ZFYVE9: variants seen among roughly 807,000 people sequenced by gnomAD.
ZFYVE9 encodes zinc finger FYVE-type containing 9.
A neutral mutation model predicts 126.7 loss-of-function variants in ZFYVE9; 43 were observed. That is an observed-to-expected ratio of 0.34 (90% CI 0.27 to 0.44). The LOEUF (loss-of-function observed/expected upper bound fraction) is 0.44. ZFYVE9 is among the 20% of genes least tolerant of loss of function. The pLI is 1.00. For synonymous variants in ZFYVE9, 521 were observed against 597.4 expected (o/e 0.87, Z 1.87); for missense variants, 1,476 against 1,697.0 (o/e 0.87, Z 2.29).
intron 2 of ZFYVE9, among the ~76,000 whole-genome samples, chr1:52,225,453 G>T (rs72665101): frequency 0.011 from 1,704 of 152,272 alleles, 13 homozygotes; most frequent in Non-Finnish European, 0.017. Flanking sequence ...TCTGCCGAAG[G>T]GTGCTGCTTA....
intron 1 of ZFYVE9, among the ~76,000 whole-genome samples, chr1:52,193,436 G>A (rs1046192615): frequency 1.3e-5 from 2 of 149,534 alleles, no homozygotes; most frequent in African/African-American, 4.9e-5. Flanking sequence ...GCCGGGTGTG[G>A]TGGCTCATGT....
intron 4 of ZFYVE9, among the ~76,000 whole-genome samples, chr1:52,245,159 G>C (rs1645371785): frequency 6.8e-6 from 1 of 147,900 alleles, no homozygotes; most frequent in African/African-American, 2.5e-5. Flanking sequence ...GAGAGACTCT[G>C]TCTCAAAAAA....
intron 13 of ZFYVE9, among the ~76,000 whole-genome samples, chr1:52,327,285 T>G (rs1646300060): frequency 2.0e-5 from 3 of 152,070 alleles, no homozygotes; most frequent in Admixed American, 2.0e-4. Context: ...AATGGTCACA[T>G]TAATGTCTCA....
chr1:52,191,244 A>G (rs1644814426), intron 1 of ZFYVE9, among the ~76,000 whole-genome samples: 1 of 152,144 alleles, frequency 6.6e-6, no homozygotes, highest in Non-Finnish European at 1.5e-5. Flanking sequence ...CCGGTCAATG[A>G]ATATTATTTC....
intron 1 of ZFYVE9, among the ~76,000 whole-genome samples, chr1:52,212,794 G>A (rs764360185): frequency 5.9e-5 from 9 of 152,152 alleles, no homozygotes; most frequent in Non-Finnish European, 7.3e-5. Context: ...TAGTGTAGTC[G>A]TTTTGTAAAG....
intron 1 of ZFYVE9, among the ~76,000 whole-genome samples, chr1:52,152,509 T>A (rs905239352): frequency 1.3e-5 from 2 of 152,244 alleles, no homozygotes; most frequent in African/African-American, 4.8e-5. Flanking sequence ...TCTTTTTATA[T>A]TCAGCCAAAA....
At chr1:52,243,083 T>G (rs1362470420) in intron 4 of ZFYVE9, among the ~76,000 whole-genome samples, 1 of 152,210 alleles carries the variant, frequency 6.6e-6, no homozygotes, top group Non-Finnish European at 1.5e-5. Context: ...CTGGCACCTA[T>G]GAAGTACTCA....
intron 8 of ZFYVE9, among the ~76,000 whole-genome samples, chr1:52,277,744 A>G (rs1210757665): frequency 6.6e-6 from 1 of 152,176 alleles, no homozygotes; most frequent in East Asian, 1.9e-4. Flanking sequence ...TACAGTGATT[A>G]TTACGCATGA....
At chr1:52,266,525 C>G in intron 5 of ZFYVE9, 130 bp from the exon 6 acceptor site, 1 of 665,044 alleles carries the variant, frequency 1.5e-6, no homozygotes, top group South Asian at 3.2e-5. Context: ...TTAATACCTT[C>G]ACTAGGTGGA....
At chr1:52,337,133 TTA>T (rs748853818) in intron 15 of ZFYVE9, among the ~76,000 whole-genome samples, 1 of 152,150 alleles carries the variant, frequency 6.6e-6, no homozygotes, top group Non-Finnish European at 1.5e-5. Context: ...TCTTTAGAAA[TTA>T]TTTCATTGTG....
At chr1:52,203,968 AC>A (rs1157956122) in intron 1 of ZFYVE9, among the ~76,000 whole-genome samples, 3 of 151,988 alleles carry the variant, frequency 2.0e-5, no homozygotes, top group Non-Finnish European at 4.4e-5. Context: ...CACGCTGTCT[AC>A]CCGTTATAGC....
At chr1:52,271,823 G>A (rs1273502273) in intron 7 of ZFYVE9, among the ~76,000 whole-genome samples, 1 of 152,044 alleles carries the variant, frequency 6.6e-6, no homozygotes, top group African/African-American at 2.4e-5. Context: ...CAAAACATGG[G>A]CATATTTATT....
At chr1:52,165,307 C>T (rs1644502512) in intron 1 of ZFYVE9, among the ~76,000 whole-genome samples, 2 of 151,968 alleles carry the variant, frequency 1.3e-5, no homozygotes, top group African/African-American at 2.4e-5. Context: ...TTCAGAGGAA[C>T]TATCAGTGTA....
intron 10 of ZFYVE9, among the ~76,000 whole-genome samples, chr1:52,282,357 T>C (rs1645813598): frequency 6.6e-6 from 1 of 152,190 alleles, no homozygotes; most frequent in African/African-American, 2.4e-5. Context: ...TTATTTGACA[T>C]TATAGTTATT....
At chr1:52,149,396 TATGA>T (rs1205244946) in intron 1 of ZFYVE9, among the ~76,000 whole-genome samples, 1 of 151,872 alleles carries the variant, frequency 6.6e-6, no homozygotes, top group African/African-American at 2.4e-5. Context: ...GCCTGGGCAA[TATGA>T]ATATTTCTTA....
intron 2 of ZFYVE9, among the ~76,000 whole-genome samples, chr1:52,230,374 ATCAG>A (rs1362039371): frequency 6.6e-6 from 1 of 151,980 alleles, no homozygotes; most frequent in Non-Finnish European, 1.5e-5. Context: ...TCCAGAAAGA[ATCAG>A]TCAAACAGGG....
intron 1 of ZFYVE9, among the ~76,000 whole-genome samples, chr1:52,174,387 G>C (rs1410666005): frequency 5.3e-5 from 8 of 151,858 alleles, no homozygotes; most frequent in African/African-American, 1.9e-4. Context: ...TATAATTTCT[G>C]TTCTTTTACA....
intron 7 of ZFYVE9, among the ~76,000 whole-genome samples, chr1:52,270,012 T>C (rs1645673744): frequency 6.6e-6 from 1 of 152,044 alleles, no homozygotes; most frequent in East Asian, 1.9e-4. Flanking sequence ...AATACCCATA[T>C]ACTCTTCACC....
chr1:52,344,961 G>T lies in ZFYVE9; in HGVS notation c.4116+17G>T. ...TCAGATCAGGTATGATGTGTCTTCC[G>T]CAGCTTTTAAAGCTGGCCTTGGGCA... is the stretch of plus-strand genomic sequence containing the variant. On this transcript the variant is annotated intron_variant, in intron 18 of 18. Coordinates refer to ENST00000287727, the MANE Select transcript of ZFYVE9 (RefSeq NM_004799.4). The T allele has an allele frequency of 6.2e-7, 1 of 1,611,022 alleles. No individual in the cohort carries two copies. The highest frequency in any genetic ancestry group is 1.1e-5 in the South Asian group (1 of 90,958).
Sources: allele counts gnomAD v4.1 joint callset (sites outside exome capture counted in the v4.1 genomes callset), GRCh38; gene constraint gnomAD v4.1.1; transcripts MANE v1.5; gene names NCBI Gene and HGNC (gene_info 2026-07-23, HGNC 2026-07-21).